The following SEZ6 variants were observed in gnomAD, a reference collection of about 807,000 sequenced individuals.
SEZ6 encodes seizure protein 6 homolog.
A neutral mutation model predicts 101.0 loss-of-function variants in SEZ6; 53 were observed. The ratio of observed to expected loss-of-function variants is 0.52; its 90% CI spans 0.42 to 0.66. The LOEUF (loss-of-function observed/expected upper bound fraction) is 0.66, where lower values mean the gene tolerates loss of function less well. SEZ6 is among the 30% of genes least tolerant of loss of function. SEZ6 has a pLI of 0.00. For synonymous variants in SEZ6, 488 were observed against 512.2 expected, an observed-to-expected ratio of 0.95 and a Z score of 0.64; for missense variants, 1,102 against 1,289.4, an observed-to-expected ratio of 0.85 and a Z score of 2.23.
chr17:28,973,414 GC>G (rs2041180373), intron 3 of SEZ6, among the ~76,000 whole-genome samples: 1 of 152,198 alleles, frequency 6.6e-6, no homozygotes. Flanking sequence ...GTTCCCACCA[GC>G]CACCCTTGCT....
intron 1 of SEZ6, among the ~76,000 whole-genome samples, chr17:28,999,094 G>A (rs1332962183): frequency 6.6e-6 from 1 of 152,162 alleles, no homozygotes; most frequent in Non-Finnish European, 1.5e-5. Context: ...GTTGCTGAAT[G>A]GAGAATGGAA....
At chr17:28,968,159 C>T (rs2041099177) in intron 4 of SEZ6, among the ~76,000 whole-genome samples, 1 of 152,236 alleles carries the variant, frequency 6.6e-6, no homozygotes, top group Non-Finnish European at 1.5e-5. Context: ...CCCTCTTTCT[C>T]TAGCCCACGG....
At chr17:29,002,578 G>A (rs1162583020) in intron 1 of SEZ6, among the ~76,000 whole-genome samples, 1 of 152,160 alleles carries the variant, frequency 6.6e-6, no homozygotes, top group East Asian at 1.9e-4. Context: ...GGGTGGGGGT[G>A]TGCTCCTGCC....
chr17:28,980,341 G>C (rs2041282107), intron 2 of SEZ6, among the ~76,000 whole-genome samples: 1 of 151,240 alleles, frequency 6.6e-6, no homozygotes, highest in Admixed American at 6.6e-5. Flanking sequence ...CGAGTAGCTA[G>C]GATTACAGGT....
intron 3 of SEZ6, among the ~76,000 whole-genome samples, chr17:28,978,536 G>A (rs2041256197): frequency 6.6e-6 from 1 of 152,226 alleles, no homozygotes; most frequent in Non-Finnish European, 1.5e-5. Context: ...GGCATCATGG[G>A]ATGACTCTTC....
chr17:28,959,569 C>A lies in SEZ6; in HGVS notation c.1772-97G>T. On this transcript the variant is annotated intron_variant, in intron 8 of 16. Transcript: ENST00000317338. This position sits in a 1 kb window ranked among gnomAD's most constrained non-coding sequence, Gnocchi z 4.4. ...AGTGCCCACAAATTGCTGGGACCCCCCACCTCCTCCTTGGAGGAAGCCTGA... is the reference window on the plus strand; with the variant it reads ...AGTGCCCACAAATTGCTGGGACCCCACACCTCCTCCTTGGAGGAAGCCTGA... The A allele has an allele frequency of 6.4e-7, 1 of 1,554,748 alleles. No homozygotes were observed. The highest frequency in any genetic ancestry group is 8.7e-7 in the Non-Finnish European group (1 of 1,151,902).
At chr17:28,996,614 C>T (rs1016917750) in intron 1 of SEZ6, among the ~76,000 whole-genome samples, 1 of 152,112 alleles carries the variant, frequency 6.6e-6, no homozygotes, top group East Asian at 1.9e-4. Flanking sequence ...CCTGGTGTAC[C>T]TTACACCCAG....
intron 1 of SEZ6, among the ~76,000 whole-genome samples, chr17:28,991,458 G>A (rs776843937): frequency 9.9e-5 from 15 of 152,134 alleles, no homozygotes; most frequent in Non-Finnish European, 1.9e-4. Flanking sequence ...GGCCTGCCTC[G>A]GCCTCCCAAA....
intron 1 of SEZ6, among the ~76,000 whole-genome samples, chr17:28,997,115 T>G (rs73986771): frequency 0.053 from 8,029 of 152,100 alleles, 735 homozygotes; most frequent in African/African-American, 0.18. Context: ...GAGAAGTGAT[T>G]GGACCCAGTA....
rs1212764346 is a variant in SEZ6, at chr17:28,964,135, C to T, written c.1067G>A (p.Ser356Asn). 2.5e-6 allele frequency: 4 copies of T among 1,589,334 alleles called. No individual in the cohort carries two copies. Among genetic ancestry groups the T allele is most frequent in the Non-Finnish European group, 1.7e-6 (2 of 1,167,928 alleles). ...AGCTGGACGACGGGGAAAGTGGCAG[C>T]TCAGGAGATAGGCTGCAAACAGAGA... Reference protein sequence around the residue: ...FHFHYQAYLLSCHFPRRPAYG... With the variant: ...FHFHYQAYLLNCHFPRRPAYG... Residue 356 changes from serine to asparagine, a missense_variant, in exon 5 of 17, where the codon AGC becomes AAC. Physicochemically the swap from Ser to Asn is conservative, Grantham distance 46. This residue lies in a region of SEZ6 where 556 missense variants were observed against 735.1 expected (regional missense o/e 0.76). Coordinates refer to ENST00000317338, the MANE Select transcript of SEZ6 (RefSeq NM_178860.5).
At chr17:29,001,976 A>G (rs1239950157) in intron 1 of SEZ6, among the ~76,000 whole-genome samples, 4 of 152,196 alleles carry the variant, frequency 2.6e-5, no homozygotes, top group African/African-American at 4.8e-5. Flanking sequence ...CAGAGAGGAC[A>G]GGGGTATATG....
Position 28,960,616 on chromosome 17 carries a change from C to G in SEZ6, c.1465G>C (p.Glu489Gln), listed in dbSNP as rs1350980408. 1 of 1,591,832 alleles carries G rather than the reference C, an allele frequency of 6.3e-7. No homozygotes were observed. Among genetic ancestry groups the G allele is most frequent in the South Asian group, 1.1e-5 (1 of 87,894 alleles). Reference sequence around the variant, plus strand: ...CCCTCAATGGGCAGGTATTCCACCTCATAGGAATCATACACTGGTGGGGCC... The same window carrying G: ...CCCTCAATGGGCAGGTATTCCACCTGATAGGAATCATACACTGGTGGGGCC... ...VEAPPVYDSY[E>Q]VEYLPIEGLL... Residue 489 changes from glutamate (E) to glutamine (Q), a missense_variant, in exon 7 of 17, where the codon GAG becomes CAG. Physicochemically the swap from Glu to Gln is conservative, Grantham distance 29. Transcript: ENST00000317338.
chr17:28,999,910 G>T (rs2041592459), intron 1 of SEZ6, among the ~76,000 whole-genome samples: 1 of 152,150 alleles, frequency 6.6e-6, no homozygotes, highest in Admixed American at 6.5e-5. Flanking sequence ...CCAAATATTG[G>T]AAAGGATGTT....
chr17:28,956,817 G>T, intron 13 of SEZ6, 60 bp from the exon 14 acceptor site: 1 of 1,528,300 alleles, frequency 6.5e-7, no homozygotes, highest in South Asian at 1.2e-5. Flanking sequence ...AACCACTAAG[G>T]CAGGGAGAGG....
chr17:28,957,622 C>T lies in SEZ6; in HGVS notation c.2303-83G>A, dbSNP rs1179935188. ...CCACCCTGGCTTTGTTCCAGGCCAG[C>T]TAACTTCTTCATGTCGTATGGGTCT... On this transcript the variant is annotated intron_variant, in intron 11 of 16. Transcript: ENST00000317338. 2.1e-6 allele frequency: 3 copies of T among 1,438,800 alleles called. No individual in the cohort carries two copies. The African/African-American group carries it at 4.2e-5, about 20-fold the overall frequency. The allele number at this position is 1,438,800 out of a possible 1,614,324, so 89.1% of individuals were successfully genotyped here. A position where few individuals can be genotyped will look rare whatever the true frequency, so the allele number is the denominator to read the frequency against.
intron 1 of SEZ6, among the ~76,000 whole-genome samples, chr17:28,992,448 A>G (rs1392537902): frequency 6.6e-6 from 1 of 152,112 alleles, no homozygotes; most frequent in Non-Finnish European, 1.5e-5. Context: ...GTCCAAATAC[A>G]TGCCTGTGCC....
In SEZ6 at chr17:28,961,539, C is replaced by T. The variant is rs77250333; in HGVS notation, c.1241-566G>A. Among the ~76,000 whole-genome samples, 194 of 152,294 alleles carry T rather than the reference C, an allele frequency of 1.3e-3. 2 individuals are homozygous for T. The East Asian group carries it at 0.019, about 15-fold the overall frequency. On this transcript the variant is annotated intron_variant, in intron 5 of 16. Coordinates refer to ENST00000317338, the MANE Select transcript of SEZ6 (RefSeq NM_178860.5). ...TGTAAAAAGGGGTTAGCACTAGATC[C>T]GGGCGGCAAACACCTGATGTGCATG...
At chr17:28,993,277 C>T (rs973430095) in intron 1 of SEZ6, among the ~76,000 whole-genome samples, 17 of 152,140 alleles carry the variant, frequency 1.1e-4, no homozygotes, top group African/African-American at 4.1e-4. Context: ...CCATCAGCTC[C>T]TTCTGTCCAT....
rs1258818753 is a variant in SEZ6 at position 28,961,469 on chromosome 17, A to G, written c.1241-496T>C. Among the ~76,000 whole-genome samples, 7 of 152,150 alleles carry G rather than the reference A, an allele frequency of 4.6e-5. No individual in the cohort carries two copies. In the East Asian group the frequency reaches 1.3e-3, roughly 29 times the overall value. ...GGAACCAGGTCTTTCCAGGCCAGGC[A>G]CAGAGTTGGTGTTCAGCGTTGGTTG... On this transcript the variant is annotated intron_variant, in intron 5 of 16. Coordinates refer to ENST00000317338, the MANE Select transcript of SEZ6 (RefSeq NM_178860.5).
Sources: allele counts gnomAD v4.1 joint callset (sites outside exome capture counted in the v4.1 genomes callset), GRCh38; gene constraint gnomAD v4.1.1; regional missense constraint gnomAD v4.1.1; non-coding constraint Gnocchi (gnomAD v3.1); transcripts MANE v1.5; gene names NCBI Gene and HGNC (gene_info 2026-07-23, HGNC 2026-07-21).